The following TENM3 variants were observed in gnomAD, a reference collection of about 807,000 sequenced individuals.
The protein encoded by TENM3 is teneurin-3.
Under a neutral mutation model 255.1 loss-of-function variants are expected in TENM3, and 63 were observed. That is an observed-to-expected ratio of 0.25 (90% CI 0.20 to 0.30). The LOEUF is 0.30. Ranked by LOEUF, TENM3 falls within the 10% of genes least tolerant of loss-of-function variation. TENM3 has a pLI of 1.00. For synonymous variants in TENM3, 1,306 were observed against 1,322.3 expected, an observed-to-expected ratio of 0.99 and a Z score of 0.27; for missense variants, 2,929 against 3,461.1, an observed-to-expected ratio of 0.85 and a Z score of 3.86.
In TENM3 at chr4:182,191,567, T is replaced by A. The variant is rs532789793; in HGVS notation, c.-76+46813T>A. On this transcript the variant is annotated intron_variant, in intron 1 of 2. Transcript: ENST00000512480. ...GTGCGGTTAGTTTTATCTAGAATTT[T>A]TTTTTGATTCTTTTAGGATGGTTAG... Among the ~76,000 whole-genome samples, 237 of 152,310 alleles carry A rather than the reference T, an allele frequency of 1.6e-3. 1 individual carries two copies. Among genetic ancestry groups the A allele is most frequent in the African/African-American group, 5.5e-3 (227 of 41,568 alleles).
the TENM3 span, among the ~76,000 whole-genome samples, chr4:181,552,216 C>T: frequency 5.3e-5 from 8 of 152,100 alleles, no homozygotes; most frequent in Admixed American, 5.2e-4. Flanking sequence ...ATGCTTATGA[C>T]ATAAATCATA....
chr4:182,342,717 T>G (rs934587865), intron 2 of TENM3, among the ~76,000 whole-genome samples: 3 of 152,102 alleles, frequency 2.0e-5, no homozygotes, highest in African/African-American at 7.2e-5. Context: ...AATCTAGATA[T>G]TAGAGAAATC....
intron 3 of TENM3, among the ~76,000 whole-genome samples, chr4:182,446,635 T>C (rs1237767500): frequency 1.3e-5 from 2 of 152,166 alleles, no homozygotes; most frequent in Non-Finnish European, 1.5e-5. Flanking sequence ...ACTTTTTTTT[T>C]TTTTTTAAGA....
At chr4:181,677,627 A>T in the TENM3 span, among the ~76,000 whole-genome samples, 1 of 151,886 alleles carries the variant, frequency 6.6e-6, no homozygotes, top group South Asian at 2.1e-4. Context: ...CAAATTGTCA[A>T]TTTTCATACT....
At chr4:181,676,535 T>G in the TENM3 span, among the ~76,000 whole-genome samples, 1 of 151,252 alleles carries the variant, frequency 6.6e-6, no homozygotes, top group Non-Finnish European at 1.5e-5. Flanking sequence ...CTCCCTCTCC[T>G]CTCTGGTAGT....
At chr4:182,176,239 G>A (rs1752482035) in intron 1 of TENM3, among the ~76,000 whole-genome samples, 1 of 152,154 alleles carries the variant, frequency 6.6e-6, no homozygotes, top group Admixed American at 6.5e-5. Context: ...CATTTGAGGG[G>A]CGGAGTAGCA....
At chr4:182,205,884 A>G (rs1368388201) in intron 1 of TENM3, among the ~76,000 whole-genome samples, 1 of 152,138 alleles carries the variant, frequency 6.6e-6, no homozygotes, top group East Asian at 1.9e-4. Flanking sequence ...CAGAATATGA[A>G]AAAATTAAGC....
At chr4:181,493,855 T>C in the TENM3 span, among the ~76,000 whole-genome samples, 1 of 152,292 alleles carries the variant, frequency 6.6e-6, no homozygotes, top group South Asian at 2.1e-4. Flanking sequence ...AACGTGCCTA[T>C]TCAAGATCTT....
At chr4:182,473,216 T>A (rs1733302502) in intron 3 of TENM3, among the ~76,000 whole-genome samples, 1 of 152,194 alleles carries the variant, frequency 6.6e-6, no homozygotes, top group Admixed American at 6.5e-5. Context: ...TGCAGCCATA[T>A]ATATATTTGG....
chr4:182,779,048 T>C (rs1195982476), intron 24 of TENM3, among the ~76,000 whole-genome samples: 6 of 133,148 alleles, frequency 4.5e-5, no homozygotes, highest in African/African-American at 2.4e-4. Flanking sequence ...TCTTTTTTTT[T>C]TTCCTTTTCT....
At chr4:181,807,848 T>C in the TENM3 span, among the ~76,000 whole-genome samples, 1 of 152,230 alleles carries the variant, frequency 6.6e-6, no homozygotes, top group Non-Finnish European at 1.5e-5. Flanking sequence ...CCCTGTGGCT[T>C]CAGCCATTCA....
At chr4:182,613,854 A>G (rs765133835) in intron 4 of TENM3, among the ~76,000 whole-genome samples, 1 of 152,234 alleles carries the variant, frequency 6.6e-6, no homozygotes, top group Non-Finnish European at 1.5e-5. Flanking sequence ...GCAATTACTA[A>G]TAGGTCATAT....
chr4:181,602,468 A>AT, the TENM3 span, among the ~76,000 whole-genome samples: 1 of 152,074 alleles, frequency 6.6e-6, no homozygotes, highest in Non-Finnish European at 1.5e-5. Context: ...TTTTGCCAAG[A>AT]TTTTTTTTGA....
At chr4:182,183,500 T>C (rs1482711105) in intron 1 of TENM3, among the ~76,000 whole-genome samples, 2 of 152,182 alleles carry the variant, frequency 1.3e-5, no homozygotes, top group African/African-American at 4.8e-5. Flanking sequence ...GAGAAATAAT[T>C]TCTACTCCCG....
chr4:182,239,505 T>TA (rs1304948680), upstream of TENM3, among the ~76,000 whole-genome samples: 1 of 152,236 alleles, frequency 6.6e-6, no homozygotes, highest in East Asian at 1.9e-4. Flanking sequence ...GCAAGAAACT[T>TA]ACTAAAATAC....
At chr4:182,630,116 G>T (rs898311783) in intron 5 of TENM3, among the ~76,000 whole-genome samples, 1 of 152,080 alleles carries the variant, frequency 6.6e-6, no homozygotes, top group African/African-American at 2.4e-5. Context: ...ACCAGTCAGA[G>T]GTAAAAGCAA....
At chr4:182,705,285 T>G (rs1758190288) in intron 12 of TENM3, among the ~76,000 whole-genome samples, 1 of 152,212 alleles carries the variant, frequency 6.6e-6, no homozygotes, top group African/African-American at 2.4e-5. Flanking sequence ...TTTAAGTCCG[T>G]GTTCGGAAGT....
chr4:181,679,610 T>G, the TENM3 span, among the ~76,000 whole-genome samples: 5 of 152,140 alleles, frequency 3.3e-5, no homozygotes, highest in African/African-American at 1.2e-4. Flanking sequence ...GCTATTTTTA[T>G]CAGGACTAGA....
chr4:182,681,847 G>A lies in TENM3; in HGVS notation c.1868G>A (p.Gly623Asp), dbSNP rs762658694. ...DCIDPGCSNH[G>D]VCIHGECHCS... is the part of the protein sequence containing the mutation. The stretch of plus-strand genomic sequence containing the variant: ...ATAGACCCTGGGTGTTCTAATCATG[G>A]TGTGTGTATCCACGGGGAATGTCAC... Residue 623 changes from glycine to aspartate, a missense_variant, in exon 11 of 28, where the codon GGT (glycine) becomes GAT (aspartate). Gly to Asp is a moderately conservative substitution (Grantham distance 94, BLOSUM62 -1). This residue lies in a region of TENM3 where 1,608 missense variants were observed against 1,884.4 expected (regional missense o/e 0.85). Transcript: ENST00000511685. 1 of 1,613,664 alleles carries A rather than the reference G, an allele frequency of 6.2e-7. No homozygotes were observed.
Sources: allele counts gnomAD v4.1 joint callset (sites outside exome capture counted in the v4.1 genomes callset), GRCh38; gene constraint gnomAD v4.1.1; regional missense constraint gnomAD v4.1.1; transcripts MANE v1.5; gene names NCBI Gene and HGNC (gene_info 2026-07-23, HGNC 2026-07-21).